Variants in KCNMB2 observed in about 807,000 individuals in gnomAD.
The protein encoded by KCNMB2 is potassium calcium-activated channel subfamily M regulatory beta subunit 2.
A neutral mutation model predicts 24.5 loss-of-function variants in KCNMB2; 9 were observed. The observed-to-expected ratio is 0.37, with a 90% CI of 0.22 to 0.64. The LOEUF (loss-of-function observed/expected upper bound fraction) is 0.64. Ranked by LOEUF, KCNMB2 falls within the 30% of genes least tolerant of loss-of-function variation. The pLI is 0.63. For synonymous variants in KCNMB2, 109 were observed against 104.4 expected, an observed-to-expected ratio of 1.04 and a Z score of -0.27; for missense variants, 226 against 284.3, an observed-to-expected ratio of 0.79 and a Z score of 1.47.
chr3:178,789,492 A>G (rs1417727245), intron 1 of KCNMB2, among the ~76,000 whole-genome samples: 1 of 152,218 alleles, frequency 6.6e-6, no homozygotes, highest in Non-Finnish European at 1.5e-5. Flanking sequence ...CATAACAAGG[A>G]AAGCGCATTG....
At chr3:178,651,194 A>T (rs1056365988) in intron 1 of KCNMB2, among the ~76,000 whole-genome samples, 17 of 152,326 alleles carry the variant, frequency 1.1e-4, no homozygotes, top group African/African-American at 4.1e-4. Context: ...TTAAGCTGAT[A>T]AGCAACTTCA....
chr3:178,813,234 A>G (rs2108457096), intron 2 of KCNMB2, among the ~76,000 whole-genome samples: 1 of 152,266 alleles, frequency 6.6e-6, no homozygotes, highest in South Asian at 2.1e-4. Flanking sequence ...TTTATTGACT[A>G]ACTGAATTGT....
chr3:178,560,280 G>A (rs1286921444), intron 1 of KCNMB2, among the ~76,000 whole-genome samples: 1 of 152,118 alleles, frequency 6.6e-6, no homozygotes, highest in East Asian at 1.9e-4. Flanking sequence ...GTGAGTTAGA[G>A]ATAAGAAAGG....
intron 1 of KCNMB2, among the ~76,000 whole-genome samples, chr3:178,549,474 C>CTTTT (rs1237618463): frequency 2.1e-5 from 2 of 94,596 alleles, no homozygotes; most frequent in Non-Finnish European, 3.9e-5. Flanking sequence ...CAATGCCCAG[C>CTTTT]TTTTTTTTTT....
At chr3:178,614,272 T>C (rs1718609074) in intron 1 of KCNMB2, among the ~76,000 whole-genome samples, 1 of 98,030 alleles carries the variant, frequency 1.0e-5, no homozygotes, top group Non-Finnish European at 1.9e-5. Context: ...TATATATATA[T>C]ATATATATAT....
intron 1 of KCNMB2, among the ~76,000 whole-genome samples, chr3:178,741,510 C>T (rs1188786583): frequency 6.6e-6 from 1 of 152,170 alleles, no homozygotes; most frequent in African/African-American, 2.4e-5. Context: ...ACTTCCCTCC[C>T]CTTAACTGAA....
At chr3:178,557,409 C>T (rs192404765) in intron 1 of KCNMB2, among the ~76,000 whole-genome samples, 213 of 152,258 alleles carry the variant, frequency 1.4e-3, no homozygotes, top group Middle Eastern at 6.8e-3. Flanking sequence ...GAAAGGACTC[C>T]TGATGAATGG....
At chr3:178,574,360 G>C (rs766995052) in intron 1 of KCNMB2, among the ~76,000 whole-genome samples, 1 of 152,314 alleles carries the variant, frequency 6.6e-6, no homozygotes, top group Non-Finnish European at 1.5e-5. Flanking sequence ...TCAGAACTAA[G>C]TGAGCCTTAT....
chr3:178,602,697 G>C (rs1297302922), intron 1 of KCNMB2, among the ~76,000 whole-genome samples: 1 of 152,104 alleles, frequency 6.6e-6, no homozygotes, highest in Non-Finnish European at 1.5e-5. Flanking sequence ...GGCAGGGTGA[G>C]TAAAGGACTG....
intron 1 of KCNMB2, among the ~76,000 whole-genome samples, chr3:178,700,656 G>A (rs532512620): frequency 2.6e-5 from 4 of 152,126 alleles, no homozygotes; most frequent in Non-Finnish European, 4.4e-5. Flanking sequence ...GATTTAGGAA[G>A]AGATTTGAGA....
chr3:178,556,456 G>A (rs797000421), intron 1 of KCNMB2, among the ~76,000 whole-genome samples: 4 of 152,286 alleles, frequency 2.6e-5, no homozygotes, highest in African/African-American at 9.6e-5. Context: ...CCAGGCTAGA[G>A]TGCAATGGCA....
At chr3:178,811,541 C>T (rs745461394) in intron 2 of KCNMB2, among the ~76,000 whole-genome samples, 1 of 152,156 alleles carries the variant, frequency 6.6e-6, no homozygotes, top group Non-Finnish European at 1.5e-5. Context: ...TGGCGTGAGT[C>T]GCTGCAGTTC....
At chr3:178,616,862 A>G (rs562152205) in intron 1 of KCNMB2, among the ~76,000 whole-genome samples, 2 of 152,292 alleles carry the variant, frequency 1.3e-5, no homozygotes, top group South Asian at 4.2e-4. Context: ...TAAAAATGGA[A>G]AGTGGAATCT....
chr3:178,817,920 G>A (rs1166423815), intron 2 of KCNMB2, among the ~76,000 whole-genome samples: 2 of 152,328 alleles, frequency 1.3e-5, no homozygotes, highest in East Asian at 3.9e-4. Context: ...CAAAGATGTG[G>A]TCTGTCTTTA....
intron 1 of KCNMB2, among the ~76,000 whole-genome samples, chr3:178,688,860 A>G (rs1206464168): frequency 1.3e-5 from 2 of 152,192 alleles, no homozygotes; most frequent in East Asian, 3.8e-4. Context: ...TCATATTTCT[A>G]TCAAATAATT....
chr3:178,831,597 G>A (rs1194632543), intron 4 of KCNMB2, among the ~76,000 whole-genome samples: 2 of 152,122 alleles, frequency 1.3e-5, no homozygotes, highest in Non-Finnish European at 2.9e-5. Context: ...GTCCTTTGCA[G>A]CAACCATGGA....
rs376510020 is a variant in KCNMB2 at position 178,803,022 on chromosome 3, A to G, written c.-67-4321A>G. 3.3e-4 allele frequency among the ~76,000 whole-genome samples: 51 copies of G among 152,242 alleles called. 1 individual carries two copies. In the South Asian group the frequency reaches 0.01, roughly 31 times the overall value. ...AACTATTGGTTAGTGTGTGCCACTA[A>G]CCAATTATTATGTTATTATGTTTCA... On this transcript the variant is annotated intron_variant, in intron 1 of 4. Transcript: ENST00000452583.
chr3:178,644,606 G>C (rs570669861), intron 1 of KCNMB2, among the ~76,000 whole-genome samples: 2 of 152,192 alleles, frequency 1.3e-5, no homozygotes, highest in Non-Finnish European at 2.9e-5. Context: ...TGTGTTCACA[G>C]ATTGTCCTTA....
At chr3:178,825,828 C>A in intron 3 of KCNMB2, 70 bp downstream of exon 3, 1 of 1,218,820 alleles carries the variant, frequency 8.2e-7, no homozygotes, top group Admixed American at 2.1e-5. Context: ...ACTTAGGCAA[C>A]CCTAAGGTCA....
Sources: allele counts gnomAD v4.1 joint callset (sites outside exome capture counted in the v4.1 genomes callset), GRCh38; gene constraint gnomAD v4.1.1; transcripts MANE v1.5; gene names NCBI Gene and HGNC (gene_info 2026-07-23, HGNC 2026-07-21).